Variants in DSCAM observed in about 807,000 individuals in gnomAD.
DSCAM encodes the protein DS cell adhesion molecule.
Under a neutral mutation model 217.7 loss-of-function variants are expected in DSCAM, and 47 were observed. That is an observed-to-expected ratio of 0.22 (90% confidence interval 0.17 to 0.28). DSCAM has a LOEUF of 0.28. Among genes scored for constraint, DSCAM ranks in the 10% least tolerant of loss-of-function variants. The probability of loss-of-function intolerance (pLI) is 1.00; values close to 1 mark genes in which losing one functional copy is unlikely to be tolerated. For synonymous variants in DSCAM, 1,056 were observed against 1,015.3 expected (o/e 1.04, Z -0.76); for missense variants, 2,080 against 2,618.3 (o/e 0.79, Z 4.49).
intron 3 of DSCAM, among the ~76,000 whole-genome samples, chr21:40,656,066 A>T (rs1476880344): frequency 1.3e-5 from 2 of 152,088 alleles, no homozygotes; most frequent in Non-Finnish European, 2.9e-5. Flanking sequence ...CAAAACAAAA[A>T]TAAAGCACTC....
At chr21:40,492,403 T>C (rs932174789) in intron 3 of DSCAM, among the ~76,000 whole-genome samples, 1 of 152,138 alleles carries the variant, frequency 6.6e-6, no homozygotes, top group African/African-American at 2.4e-5. Flanking sequence ...CTAAAGGAAC[T>C]AGAAATTTAT....
chr21:40,483,654 T>G (rs1450428717), intron 3 of DSCAM, among the ~76,000 whole-genome samples: 1 of 152,182 alleles, frequency 6.6e-6, no homozygotes. Context: ...TGGAAATTAT[T>G]TATATATAAT....
intron 27 of DSCAM, among the ~76,000 whole-genome samples, chr21:40,067,908 T>C (rs1426805409): frequency 6.6e-6 from 1 of 151,934 alleles, no homozygotes; most frequent in East Asian, 1.9e-4. Flanking sequence ...TATGAGAACA[T>C]TGTTCACAGC....
chr21:40,157,705 T>C (rs374583784), intron 16 of DSCAM, among the ~76,000 whole-genome samples: 3 of 20,104 alleles, frequency 1.5e-4, no homozygotes, highest in Non-Finnish European at 4.9e-4. Context: ...TTCTTTTTTT[T>C]TTTTTTCCTG....
At chr21:40,330,125 A>G (rs908274145) in intron 8 of DSCAM, among the ~76,000 whole-genome samples, 2 of 151,748 alleles carry the variant, frequency 1.3e-5, no homozygotes, top group Admixed American at 6.6e-5. Context: ...TACTATACAC[A>G]GGAAATACGT....
At chr21:40,551,026 C>G (rs2076625541) in intron 3 of DSCAM, among the ~76,000 whole-genome samples, 1 of 152,274 alleles carries the variant, frequency 6.6e-6, no homozygotes, top group African/African-American at 2.4e-5. Context: ...TACAGAGAAA[C>G]CTTTAGGTCA....
At chr21:40,139,873 TTG>T (rs1671623949) in intron 18 of DSCAM, among the ~76,000 whole-genome samples, 1 of 148,478 alleles carries the variant, frequency 6.7e-6, no homozygotes, top group Admixed American at 6.7e-5. Context: ...TGTATGTGTG[TTG>T]TGTGTGCATG....
intron 3 of DSCAM, among the ~76,000 whole-genome samples, chr21:40,552,701 C>T (rs1158788350): frequency 6.6e-6 from 1 of 152,152 alleles, no homozygotes; most frequent in Non-Finnish European, 1.5e-5. Flanking sequence ...CACAGCTGAC[C>T]AAATCTACAT....
chr21:40,425,044 GC>G (rs2075459027), intron 3 of DSCAM, among the ~76,000 whole-genome samples: 1 of 152,130 alleles, frequency 6.6e-6, no homozygotes, highest in East Asian at 1.9e-4. Context: ...GTTGCAGAGA[GC>G]CAAGATTGCA....
chr21:40,481,154 C>A (rs570891845), intron 3 of DSCAM, among the ~76,000 whole-genome samples: 14 of 152,056 alleles, frequency 9.2e-5, no homozygotes, highest in African/African-American at 3.4e-4. Flanking sequence ...ATTTTTCCCC[C>A]AACAGAAGCT....
rs373197556 is a variant in DSCAM, at chr21:40,083,988, C to T, written c.4151G>A (p.Arg1384Gln). The change falls in exon 24 of 33, where the codon CGG becomes CAG. Residue 1384 changes from arginine to glutamine, a missense_variant. Physicochemically the swap from Arg to Gln is conservative, Grantham distance 43. Coordinates refer to ENST00000400454, the MANE Select transcript of DSCAM (RefSeq NM_001389.5). ...LQVQVPPDQP[R>Q]LTVSKTTSSS... ...AGACGTGGTCTTGGAGACTGTAAGC[C>T]GAGGCTGATCTGGTGGAACTGGAGA... 1.7e-5 allele frequency: 28 copies of T among 1,612,472 alleles called. No homozygotes were observed. Among genetic ancestry groups the T allele is most frequent in the Middle Eastern group, 1.6e-4 (1 of 6,080 alleles).
chr21:40,316,125 CA>C (rs1056523960), intron 8 of DSCAM, among the ~76,000 whole-genome samples: 4 of 150,926 alleles, frequency 2.7e-5, no homozygotes, highest in East Asian at 1.9e-4. Context: ...ACATATCTAC[CA>C]AAAAAAAGCC....
chr21:40,063,941 G>T (rs1261948586), intron 27 of DSCAM, among the ~76,000 whole-genome samples: 1 of 152,138 alleles, frequency 6.6e-6, no homozygotes, highest in Middle Eastern at 3.4e-3. Context: ...CTGGTTTTGT[G>T]CACAGATGGG....
chr21:40,632,665 C>T (rs1317880634), intron 3 of DSCAM, among the ~76,000 whole-genome samples: 1 of 152,178 alleles, frequency 6.6e-6, no homozygotes, highest in East Asian at 1.9e-4. Flanking sequence ...ACTGAAATTG[C>T]TTAGTCGGAA....
intron 1 of DSCAM, among the ~76,000 whole-genome samples, chr21:40,806,763 T>C (rs2091791511): frequency 6.6e-6 from 1 of 152,186 alleles, no homozygotes; most frequent in African/African-American, 2.4e-5. Flanking sequence ...ATATACACCA[T>C]GGAATACTAT....
rs983905377 is a variant in DSCAM, at chr21:40,578,321, G to A, written c.508+114489C>T. Among the ~76,000 whole-genome samples, 23 of 152,294 alleles carry A rather than the reference G, an allele frequency of 1.5e-4. 1 individual carries two copies. Among genetic ancestry groups the A allele is most frequent in the Admixed American group, 1.2e-3 (19 of 15,304 alleles). On this transcript the variant is annotated intron_variant, in intron 3 of 32. Transcript: ENST00000400454. ...GGGCTTCTGGGTAGGGTGGGGACTTGGAGAACTTTTGCATCTAGCTAAAGG... is the reference window on the plus strand; with the variant it reads ...GGGCTTCTGGGTAGGGTGGGGACTTAGAGAACTTTTGCATCTAGCTAAAGG...
intron 3 of DSCAM, among the ~76,000 whole-genome samples, chr21:40,667,843 C>A (rs987988456): frequency 3.9e-5 from 6 of 152,170 alleles, no homozygotes; most frequent in African/African-American, 1.4e-4. Flanking sequence ...AACCTCTTTT[C>A]TTTATAAATT....
At chr21:40,819,839 T>C (rs973478532) in intron 1 of DSCAM, among the ~76,000 whole-genome samples, 1 of 152,196 alleles carries the variant, frequency 6.6e-6, no homozygotes, top group Non-Finnish European at 1.5e-5. Context: ...ACTCCCCTCT[T>C]ATCTTTCAAA....
At position 40,486,545 on chromosome 21, in the gene DSCAM, G is replaced by C. The variant is rs747203319; in HGVS notation, c.509-117300C>G. The stretch of plus-strand genomic sequence containing the variant: ...GGATGGCAGGGGAGGGAGGGGGAAG[G>C]AGAAGGAAGGAATGAGAAGGCCCTC... On this transcript the variant is annotated intron_variant, in intron 3 of 32. Coordinates refer to ENST00000400454, the MANE Select transcript of DSCAM (RefSeq NM_001389.5). Among the ~76,000 whole-genome samples, 13 of 152,038 alleles carry C rather than the reference G, an allele frequency of 8.6e-5. 1 individual carries two copies. The highest frequency in any genetic ancestry group is 1.9e-4 in the Non-Finnish European group (13 of 68,006).
Sources: allele counts gnomAD v4.1 joint callset (sites outside exome capture counted in the v4.1 genomes callset), GRCh38; gene constraint gnomAD v4.1.1; transcripts MANE v1.5; gene names NCBI Gene and HGNC (gene_info 2026-07-23, HGNC 2026-07-21).